SLIT3: variants seen among roughly 807,000 people sequenced by gnomAD.
SLIT3 encodes slit homolog 3 protein.
A neutral mutation model predicts 184.0 loss-of-function variants in SLIT3; 68 were observed. The observed-to-expected ratio is 0.37, with a 90% CI of 0.30 to 0.45. The LOEUF (loss-of-function observed/expected upper bound fraction) is 0.45, where lower values mean the gene tolerates loss of function less well. Ranked by LOEUF, SLIT3 falls within the 20% of genes least tolerant of loss-of-function variation. The probability of loss-of-function intolerance (pLI) is 1.00; values close to 1 mark genes in which losing one functional copy is unlikely to be tolerated. For synonymous variants in SLIT3, 831 were observed against 828.6 expected (o/e 1.00, Z -0.05); for missense variants, 1,707 against 2,026.0 (o/e 0.84, Z 3.02).
chr5:169,153,578 G>C (rs1762198526), intron 4 of SLIT3, among the ~76,000 whole-genome samples: 1 of 152,236 alleles, frequency 6.6e-6, no homozygotes, highest in South Asian at 2.1e-4. Context: ...AAATATGCAG[G>C]CCTGCGTTTT....
At chr5:168,891,616 A>G (rs1760463468) in intron 4 of SLIT3, among the ~76,000 whole-genome samples, 3 of 152,184 alleles carry the variant, frequency 2.0e-5, no homozygotes, top group African/African-American at 4.8e-5. Context: ...TGGAGCTGTG[A>G]CTGAGGGTGA....
intron 4 of SLIT3, among the ~76,000 whole-genome samples, chr5:169,010,655 A>C (rs185238551): frequency 6.6e-6 from 1 of 152,226 alleles, no homozygotes; most frequent in Non-Finnish European, 1.5e-5. Context: ...TAATCCTAGC[A>C]CTTTGGGAGG....
chr5:169,063,226 C>A (rs1758236585), intron 4 of SLIT3, among the ~76,000 whole-genome samples: 1 of 152,160 alleles, frequency 6.6e-6, no homozygotes, highest in Admixed American at 6.5e-5. Context: ...AGGGTCAGTG[C>A]ATGATTCAGG....
intron 4 of SLIT3, among the ~76,000 whole-genome samples, chr5:168,926,878 G>T (rs977538801): frequency 4.6e-5 from 7 of 152,098 alleles, no homozygotes; most frequent in African/African-American, 1.7e-4. Context: ...AAAAACAAGT[G>T]TTGTCAAGGA....
At chr5:168,877,559 C>T (rs1759779866) in intron 5 of SLIT3, among the ~76,000 whole-genome samples, 1 of 152,164 alleles carries the variant, frequency 6.6e-6, no homozygotes, top group Admixed American at 6.5e-5. Flanking sequence ...TGGTGTCCCT[C>T]CCCACACCTC....
chr5:169,075,091 T>A (rs60077593), intron 4 of SLIT3, among the ~76,000 whole-genome samples: 1 of 152,074 alleles, frequency 6.6e-6, no homozygotes, highest in East Asian at 1.9e-4. Flanking sequence ...GATATAAACA[T>A]AATACATCAC....
intron 3 of SLIT3, among the ~76,000 whole-genome samples, chr5:169,231,729 T>A (rs1765010060): frequency 6.6e-6 from 1 of 152,214 alleles, no homozygotes; most frequent in Non-Finnish European, 1.5e-5. Context: ...TACATGTACA[T>A]TCAGCTCTGA....
chr5:169,141,999 A>G lies in SLIT3; in HGVS notation c.413+51480T>C, dbSNP rs565590606. Among the ~76,000 whole-genome samples the G allele has an allele frequency of 9.3e-4, 139 of 148,832 alleles. 5 individuals carry two copies. Among genetic ancestry groups the G allele is most frequent in the African/African-American group, 3.3e-3 (135 of 40,498 alleles). On this transcript the variant is annotated intron_variant, in intron 4 of 35. Coordinates refer to ENST00000519560, the MANE Select transcript of SLIT3 (RefSeq NM_003062.4). The stretch of plus-strand genomic sequence containing the variant: ...TGGGAGGCAGAGCTTGCAGTGAGCC[A>G]AGATCGCACCAGTGCACTCCAGCCT...
intron 4 of SLIT3, among the ~76,000 whole-genome samples, chr5:169,051,690 G>C (rs145814926): frequency 5.3e-5 from 8 of 152,218 alleles, no homozygotes; most frequent in Non-Finnish European, 7.3e-5. Flanking sequence ...TGCTCATCCT[G>C]TGGGAAAGTG....
At chr5:169,011,946 C>CT (rs35743496) in intron 4 of SLIT3, among the ~76,000 whole-genome samples, 53,296 of 140,546 alleles carry the variant, frequency 0.38, 10,179 homozygotes, top group African/African-American at 0.49. Flanking sequence ...TTCTTTCTTG[C>CT]TTTTTTTTTT....
At chr5:168,745,690 G>T (rs188908043) in intron 20 of SLIT3, among the ~76,000 whole-genome samples, 12 of 152,326 alleles carry the variant, frequency 7.9e-5, no homozygotes, top group Admixed American at 5.2e-4. Context: ...GGGATTACAG[G>T]CGTGAGCCAC....
At chr5:168,752,903 G>T in intron 18 of SLIT3, 52 bp downstream of exon 18, 1 of 1,561,604 alleles carries the variant, frequency 6.4e-7, no homozygotes, top group Non-Finnish European at 8.8e-7. Context: ...AGGAGAGAGC[G>T]CTGCAGAGTG....
At chr5:168,816,825 T>C (rs1757347080) in intron 8 of SLIT3, among the ~76,000 whole-genome samples, 1 of 152,224 alleles carries the variant, frequency 6.6e-6, no homozygotes, top group Admixed American at 6.5e-5. Context: ...TATTTCCATA[T>C]TGCGGATGAG....
At chr5:169,208,653 T>C (rs772978897) in intron 3 of SLIT3, among the ~76,000 whole-genome samples, 1 of 152,148 alleles carries the variant, frequency 6.6e-6, no homozygotes, top group Non-Finnish European at 1.5e-5. Flanking sequence ...CATCTGAACG[T>C]TGACAAACCT....
intron 5 of SLIT3, among the ~76,000 whole-genome samples, chr5:168,855,275 G>A (rs1042167913): frequency 8.5e-5 from 13 of 152,236 alleles, no homozygotes; most frequent in African/African-American, 3.1e-4. Flanking sequence ...TGGAGGGAAT[G>A]TAAAATGGTA....
intron 4 of SLIT3, among the ~76,000 whole-genome samples, chr5:169,044,312 A>T (rs1369445603): frequency 6.6e-6 from 1 of 152,208 alleles, no homozygotes; most frequent in Admixed American, 6.5e-5. Flanking sequence ...AACTGAAAAC[A>T]TACATGCACA....
At chr5:168,830,716 T>C (rs1424112198) in intron 6 of SLIT3, among the ~76,000 whole-genome samples, 1 of 152,212 alleles carries the variant, frequency 6.6e-6, no homozygotes, top group African/African-American at 2.4e-5. Flanking sequence ...GGAAATGACA[T>C]AAACTCTGCT....
rs1761231828 is a variant in SLIT3, at chr5:168,671,270, A to G, written c.4055T>C (p.Val1352Ala). The G allele has an allele frequency of 1.2e-6, 2 of 1,613,498 alleles. No individual in the cohort carries two copies. Among genetic ancestry groups the G allele is most frequent in the Non-Finnish European group, 1.7e-6 (2 of 1,179,946 alleles). ...GGTCCAGCCTGGGCGGCACTCGCAC[A>G]CCACGCTGTCCTTCTCCACGGAGCG... ...LCRSVEKDSV[V>A]CECRPGWTGP... The change falls in exon 34 of 36, where the codon GTG becomes GCG. Residue 1352 changes from valine to alanine, a missense_variant. Transcript: ENST00000519560.
rs146512576 is a variant in SLIT3, at chr5:168,685,904, G to T, written c.3338C>A (p.Pro1113Gln). ...GFSGPFCEHP[P>Q]PMVLLQTSPC... is the part of the protein sequence containing the mutation. ...GCTGGTCTGCAGTAGGACCATGGGT[G>T]GGGGGTGTTCACAGAAGGGTCCACT... Residue 1113 changes from proline (P) to glutamine (Q), a missense_variant, in exon 31 of 36, where the codon CCA becomes CAA. Pro to Gln is a moderately conservative substitution (Grantham distance 76). This residue lies in a region of SLIT3 where 1,307 missense variants were observed against 1,511.6 expected (regional missense o/e 0.86). Transcript: ENST00000519560. 8 of 1,610,794 alleles carry T rather than the reference G, an allele frequency of 5.0e-6. No homozygotes were observed. The highest frequency in any genetic ancestry group is 2.2e-5 in the South Asian group (2 of 90,638).
Sources: gnomAD v4.1 joint callset for allele counts (sites outside exome capture counted in the v4.1 genomes callset) on GRCh38, gnomAD v4.1.1 for gene constraint, gnomAD v4.1.1 regional missense constraint, MANE v1.5 for transcripts, NCBI Gene and HGNC (gene_info 2026-07-23, HGNC 2026-07-21) for gene names.